Variants in PPARG observed in about 807,000 individuals in gnomAD.
The protein encoded by PPARG is peroxisome proliferator-activated receptor gamma.
Under a neutral mutation model 39.2 loss-of-function variants are expected in PPARG, and 17 were observed. The ratio of observed to expected loss-of-function variants is 0.43; its 90% CI spans 0.30 to 0.65. PPARG has a LOEUF of 0.65. PPARG is among the 30% of genes least tolerant of loss of function. PPARG has a pLI of 0.13. For missense variants in PPARG, 406 were observed against 585.9 expected, an observed-to-expected ratio of 0.69 and a Z score of 3.17; for synonymous variants, 223 against 215.7, an observed-to-expected ratio of 1.03 and a Z score of -0.30.
In PPARG at chr3:12,379,888, G is replaced by T; in HGVS notation, c.177G>T (p.Val59=). 6.2e-7 allele frequency: 1 copy of T among 1,613,562 alleles called. No individual in the cohort carries two copies. Among genetic ancestry groups the T allele is most frequent in the Non-Finnish European group, 8.5e-7 (1 of 1,179,606 alleles). ...TTCCATTCACAAGAACAGATCCAGTGGTTGCAGATTACAAGTATGACCTGA... is the reference window on the plus strand; with the variant it reads ...TTCCATTCACAAGAACAGATCCAGTTGTTGCAGATTACAAGTATGACCTGA... The part of the protein sequence containing the change: ...EDIPFTRTDP[V]VADYKYDLKL... Residue 59 remains valine, a synonymous_variant, in exon 3 of 8, where the codon GTG becomes GTT. Coordinates refer to ENST00000651735, the MANE Select transcript of PPARG (RefSeq NM_138711.6).
At chr3:12,390,945 C>T (rs1277881836) in intron 4 of PPARG, among the ~76,000 whole-genome samples, 1 of 152,084 alleles carries the variant, frequency 6.6e-6, no homozygotes, top group Non-Finnish European at 1.5e-5. Flanking sequence ...GCCACCACAC[C>T]CAGCCTATAT....
chr3:12,347,545 C>A (rs750805284), intron 2 of PPARG, among the ~76,000 whole-genome samples: 5 of 152,110 alleles, frequency 3.3e-5, no homozygotes, highest in Non-Finnish European at 5.9e-5. Flanking sequence ...TGAACTGATG[C>A]AACCACCACT....
intron 1 of PPARG, among the ~76,000 whole-genome samples, chr3:12,302,963 G>A (rs1226500747): frequency 2.6e-5 from 4 of 152,186 alleles, no homozygotes; most frequent in Non-Finnish European, 4.4e-5. Context: ...AGTGTGGTCC[G>A]TGGCTTGATG....
intron 1 of PPARG, among the ~76,000 whole-genome samples, chr3:12,308,752 C>T (rs1412586276): frequency 6.6e-6 from 1 of 152,006 alleles, no homozygotes; most frequent in Non-Finnish European, 1.5e-5. Context: ...GGGCATTTTT[C>T]TCTGCAAAGA....
At chr3:12,304,611 G>A (rs2047012818) in intron 1 of PPARG, among the ~76,000 whole-genome samples, 1 of 152,146 alleles carries the variant, frequency 6.6e-6, no homozygotes, top group African/African-American at 2.4e-5. Flanking sequence ...TTTTCATTAT[G>A]TATTATTAAA....
rs567733969 is a variant in PPARG at position 12,320,417 on chromosome 3, T to TA, written c.-9+7965dup. On this transcript the variant is annotated intron_variant, in intron 2 of 7. Transcript: ENST00000651735. ...CATTAATTTAAGATTTATAGGAACA[T>TA]ACTTGGGTGCTCTGCCTGCTAGAAA... Among the ~76,000 whole-genome samples, 426 of 152,346 alleles carry TA rather than the reference T, an allele frequency of 2.8e-3. 2 individuals carry two copies. The highest frequency in any genetic ancestry group is 9.5e-3 in the African/African-American group (394 of 41,574).
intron 1 of PPARG, among the ~76,000 whole-genome samples, chr3:12,292,342 A>G (rs1267055130): frequency 6.6e-6 from 1 of 152,194 alleles, no homozygotes; most frequent in Non-Finnish European, 1.5e-5. Context: ...GTCTTTGCAT[A>G]TCTTTATGGC....
At chr3:12,315,788 C>G (rs550897669) in intron 2 of PPARG, among the ~76,000 whole-genome samples, 1 of 152,284 alleles carries the variant, frequency 6.6e-6, no homozygotes, top group African/African-American at 2.4e-5. Context: ...CTCCACAAAG[C>G]TCTGCCTCCT....
At position 12,379,838 on chromosome 3, in the gene PPARG, A is replaced by G; in HGVS notation, c.127A>G (p.Ile43Val). The change falls in exon 3 of 8, where the codon ATT (isoleucine) becomes GTT (valine). Residue 43 changes from isoleucine (I) to valine (V), a missense_variant. Physicochemically the swap from Ile to Val is conservative, Grantham distance 29. Around this residue, in one of 2 missense-constraint regions of PPARG, gnomAD observed 131 missense variants for 127.9 expected, o/e 1.02. Coordinates refer to ENST00000651735, the MANE Select transcript of PPARG (RefSeq NM_138711.6). ...CTTCACTACTGTTGACTTCTCCAGC[A>G]TTTCTACTCCACATTACGAAGACAT... ...KPFTTVDFSSISTPHYEDIPF... is the reference protein window; with the variant it reads ...KPFTTVDFSSVSTPHYEDIPF... 1 of 1,613,986 alleles carries G rather than the reference A, an allele frequency of 6.2e-7. No individual in the cohort carries two copies. Among genetic ancestry groups the G allele is most frequent in the Non-Finnish European group, 8.5e-7 (1 of 1,179,894 alleles).
At chr3:12,366,215 T>TA (rs2049011261) in intron 2 of PPARG, among the ~76,000 whole-genome samples, 1 of 152,148 alleles carries the variant, frequency 6.6e-6, no homozygotes, top group South Asian at 2.1e-4. Context: ...GGGGGTAATG[T>TA]GTTTTTAATA....
chr3:12,331,473 A>G (rs2047857645), intron 2 of PPARG, among the ~76,000 whole-genome samples: 1 of 152,226 alleles, frequency 6.6e-6, no homozygotes, highest in Non-Finnish European at 1.5e-5. Flanking sequence ...AGAGAGAAGC[A>G]AGAACTAGGT....
At chr3:12,369,501 TATAATA>T (rs1404522576) in intron 2 of PPARG, among the ~76,000 whole-genome samples, 1 of 152,070 alleles carries the variant, frequency 6.6e-6, no homozygotes, top group Non-Finnish European at 1.5e-5. Context: ...CAAAAATAAT[TATAATA>T]ATAATAACTT....
intron 7 of PPARG, 131 bp downstream of exon 7, chr3:12,417,285 T>C: frequency 2.1e-6 from 2 of 932,582 alleles, no homozygotes; most frequent in Non-Finnish European, 3.3e-6. Context: ...CCATGAATCA[T>C]CACTACACGT....
At chr3:12,379,305 T>A (rs2049534795) in intron 2 of PPARG, among the ~76,000 whole-genome samples, 1 of 152,128 alleles carries the variant, frequency 6.6e-6, no homozygotes, top group African/African-American at 2.4e-5. Context: ...GTGCCTGGCC[T>A]GTATACCTTA....
At chr3:12,296,618 C>T (rs1330045402) in intron 1 of PPARG, among the ~76,000 whole-genome samples, 2 of 152,140 alleles carry the variant, frequency 1.3e-5, no homozygotes, top group African/African-American at 4.8e-5. Context: ...CCCCATTGAC[C>T]TATCATTTAT....
intron 2 of PPARG, among the ~76,000 whole-genome samples, chr3:12,325,249 C>T (rs1279926242): frequency 3.3e-5 from 5 of 152,032 alleles, no homozygotes; most frequent in African/African-American, 4.8e-5. Context: ...GGTAAAACCC[C>T]GTCTCTACTA....
chr3:12,410,015 A>G (rs1250223027), intron 6 of PPARG, among the ~76,000 whole-genome samples: 3 of 152,166 alleles, frequency 2.0e-5, no homozygotes, highest in Admixed American at 6.5e-5. Flanking sequence ...ATGATGCCCT[A>G]CTTTTCATTG....
intron 2 of PPARG, 24 bp from the exon 3 acceptor site, chr3:12,379,680 C>A: frequency 6.3e-7 from 1 of 1,592,262 alleles, no homozygotes; most frequent in South Asian, 1.1e-5. Flanking sequence ...CTTAACTTCA[C>A]AGCTAGTCTA....
rs140148852 is a variant in PPARG at position 12,334,727 on chromosome 3, T to C, written c.-9+22274T>C. On this transcript the variant is annotated intron_variant, in intron 2 of 7. Transcript: ENST00000651735. ...TATACAAATATTACTGATTATTTTATACTTTTTAGTCAAAGCCCCCCTGTC... is the reference window on the plus strand; with the variant it reads ...TATACAAATATTACTGATTATTTTACACTTTTTAGTCAAAGCCCCCCTGTC... Among the ~76,000 whole-genome samples, 328 of 152,338 alleles carry C rather than the reference T, an allele frequency of 2.2e-3. 1 individual carries two copies. Among genetic ancestry groups the C allele is most frequent in the Middle Eastern group, 6.8e-3 (2 of 294 alleles).
Sources: allele counts gnomAD v4.1 joint callset (sites outside exome capture counted in the v4.1 genomes callset), GRCh38; gene constraint gnomAD v4.1.1; regional missense constraint gnomAD v4.1.1; transcripts MANE v1.5; gene names NCBI Gene and HGNC (gene_info 2026-07-23, HGNC 2026-07-21).